The following UGGT2 variants were observed in gnomAD, a reference collection of about 807,000 sequenced individuals.
UGGT2 encodes the protein UDP-glucose glycoprotein glucosyltransferase 2.
In UGGT2, 180 loss-of-function variants were observed where a neutral mutation model predicts 192.1. That is an observed-to-expected ratio of 0.94 (90% confidence interval 0.83 to 1.06). The LOEUF is 1.06. Among genes scored for constraint, UGGT2 ranks in the 50% least tolerant of loss-of-function variants. The probability of loss-of-function intolerance (pLI) is 0.00; values close to 1 mark genes in which losing one functional copy is unlikely to be tolerated. For synonymous variants in UGGT2, 580 were observed against 591.0 expected, an observed-to-expected ratio of 0.98 and a Z score of 0.27; for missense variants, 1,849 against 1,795.7, an observed-to-expected ratio of 1.03 and a Z score of -0.54.
At chr13:95,949,518 T>C in intron 12 of UGGT2, 64 bp from the exon 13 acceptor site, 1 of 1,345,818 alleles carries the variant, frequency 7.4e-7, no homozygotes, top group Non-Finnish European at 9.7e-7. Flanking sequence ...CAAAGCCAGA[T>C]TTTTACTATA....
intron 38 of UGGT2, among the ~76,000 whole-genome samples, chr13:95,808,718 T>G (rs1566531907): frequency 6.6e-6 from 1 of 152,208 alleles, no homozygotes; most frequent in Non-Finnish European, 1.5e-5. Context: ...GATAAGCTGT[T>G]AAATACGTCC....
chr13:95,968,315 A>G (rs1223648477), intron 12 of UGGT2, among the ~76,000 whole-genome samples: 1 of 152,218 alleles, frequency 6.6e-6, no homozygotes, highest in African/African-American at 2.4e-5. Flanking sequence ...CAGATATAAA[A>G]GCATCACAGG....
intron 4 of UGGT2, among the ~76,000 whole-genome samples, chr13:96,017,587 A>G (rs1246086293): frequency 6.6e-6 from 1 of 152,234 alleles, no homozygotes; most frequent in East Asian, 1.9e-4. Context: ...TAAAATCGGT[A>G]CATACCAGTA....
chr13:95,848,524 C>T (rs1486085406), intron 36 of UGGT2, among the ~76,000 whole-genome samples: 4 of 152,022 alleles, frequency 2.6e-5, no homozygotes, highest in Non-Finnish European at 4.4e-5. Context: ...TTCAGTTGTT[C>T]CAGTGACATT....
chr13:95,912,306 T>C lies in UGGT2; in HGVS notation c.2296-9246A>G, dbSNP rs374393270. On this transcript the variant is annotated intron_variant, in intron 20 of 38. Coordinates refer to ENST00000376747, the MANE Select transcript of UGGT2 (RefSeq NM_020121.4). ...ATGAGAAAGTCAAATTGTCCCTGTTTGCAGATGACATGATTGTATATTTAG... is the reference window on the plus strand; with the variant it reads ...ATGAGAAAGTCAAATTGTCCCTGTTCGCAGATGACATGATTGTATATTTAG... Among the ~76,000 whole-genome samples the C allele has an allele frequency of 1.8e-4, 28 of 152,328 alleles. 1 individual carries two copies. In the East Asian group the frequency reaches 2.1e-3, roughly 12 times the overall value.
chr13:95,832,794 T>G, intron 38 of UGGT2, 133 bp downstream of exon 38: 1 of 1,373,154 alleles, frequency 7.3e-7, no homozygotes, highest in Non-Finnish European at 1.0e-6. Flanking sequence ...AATACACCTT[T>G]AAATTATGCC....
At chr13:95,876,221 T>G (rs998088303) in intron 29 of UGGT2, among the ~76,000 whole-genome samples, 1 of 152,308 alleles carries the variant, frequency 6.6e-6, no homozygotes, top group East Asian at 1.9e-4. Context: ...CAATTCCAAA[T>G]TGAATATAAC....
intron 12 of UGGT2, among the ~76,000 whole-genome samples, chr13:95,965,758 T>C (rs1020153262): frequency 2.6e-5 from 4 of 151,746 alleles, no homozygotes; most frequent in Non-Finnish European, 5.9e-5. Context: ...ATGAAAAAAA[T>C]AAAGAAATTA....
intron 5 of UGGT2, among the ~76,000 whole-genome samples, chr13:96,013,064 GTT>G (rs2052214985): frequency 6.6e-6 from 1 of 151,966 alleles, no homozygotes; most frequent in Non-Finnish European, 1.5e-5. Context: ...ATTGAAGTAT[GTT>G]TTTGTTTTTT....
At chr13:95,806,472 C>T (rs368516868) in intron 38 of UGGT2, among the ~76,000 whole-genome samples, 76 of 152,206 alleles carry the variant, frequency 5.0e-4, no homozygotes, top group South Asian at 1.0e-3. Flanking sequence ...GAACATCAGA[C>T]GGCAGTACTA....
In UGGT2 at chr13:96,018,114, G is replaced by T. The variant is rs183349968; in HGVS notation, c.486-4633C>A. Among the ~76,000 whole-genome samples the T allele has an allele frequency of 1.5e-3, 225 of 152,232 alleles. 1 individual carries two copies. The highest frequency in any genetic ancestry group is 4.7e-3 in the African/African-American group (196 of 41,554). ...TACCACTTAGAACAAGAACATGCTAGTAAAAAAAGAATAGTAAACTGATTC... is the reference window on the plus strand; with the variant it reads ...TACCACTTAGAACAAGAACATGCTATTAAAAAAAGAATAGTAAACTGATTC... On this transcript the variant is annotated intron_variant, in intron 4 of 38. Coordinates refer to ENST00000376747, the MANE Select transcript of UGGT2 (RefSeq NM_020121.4).
At chr13:96,027,079 G>A (rs527965835) in intron 2 of UGGT2, among the ~76,000 whole-genome samples, 46 of 152,200 alleles carry the variant, frequency 3.0e-4, no homozygotes, top group African/African-American at 1.1e-3. Context: ...GTGTTCAACA[G>A]TAAAAGCAAA....
intron 5 of UGGT2, among the ~76,000 whole-genome samples, chr13:95,999,785 A>G (rs146131197): frequency 1.6e-4 from 24 of 152,314 alleles, no homozygotes; most frequent in Admixed American, 3.9e-4. Context: ...AAAAAAAGTT[A>G]GTGCCGTGAA....
At chr13:95,949,903 T>A (rs1400408300) in intron 12 of UGGT2, among the ~76,000 whole-genome samples, 1 of 152,124 alleles carries the variant, frequency 6.6e-6, no homozygotes, top group Non-Finnish European at 1.5e-5. Flanking sequence ...TAATCCACTA[T>A]ACAAGCTGGA....
At chr13:95,867,544 G>T in intron 29 of UGGT2, 121 bp from the exon 30 acceptor site, 2 of 654,302 alleles carry the variant, frequency 3.1e-6, no homozygotes, top group East Asian at 3.1e-5. Context: ...CATATATCAT[G>T]TTTTTCTGTT....
intron 7 of UGGT2, chr13:95,990,402 C>A (rs1487394563): frequency 2.6e-5 from 4 of 155,882 alleles, no homozygotes; most frequent in African/African-American, 9.6e-5. Context: ...TTATAAATTG[C>A]AAGCCTTGCT....
At chr13:95,978,873 G>C (rs371451129) in intron 10 of UGGT2, among the ~76,000 whole-genome samples, 1 of 152,134 alleles carries the variant, frequency 6.6e-6, no homozygotes, top group African/African-American at 2.4e-5. Context: ...TTCTAATATA[G>C]GTAATGTCTC....
At chr13:95,826,617 C>T (rs7994753) in intron 38 of UGGT2, among the ~76,000 whole-genome samples, 97 of 151,960 alleles carry the variant, frequency 6.4e-4, no homozygotes, top group African/African-American at 2.2e-3. Flanking sequence ...CCATTTATAA[C>T]AGTAGCAAAG....
chr13:95,883,954 G>A (rs545898331), intron 27 of UGGT2, among the ~76,000 whole-genome samples: 16 of 151,826 alleles, frequency 1.1e-4, no homozygotes, highest in Non-Finnish European at 1.3e-4. Context: ...GGGTCATACC[G>A]GGGGTGATGA....
Sources: allele counts gnomAD v4.1 joint callset (sites outside exome capture counted in the v4.1 genomes callset), GRCh38; gene constraint gnomAD v4.1.1; transcripts MANE v1.5; gene names NCBI Gene and HGNC (gene_info 2026-07-23, HGNC 2026-07-21).